The following RNF175 variants were observed in gnomAD, a reference collection of about 807,000 sequenced individuals.
RNF175 encodes ring finger protein 175.
Under a neutral mutation model 50.0 loss-of-function variants are expected in RNF175, and 38 were observed. The ratio of observed to expected loss-of-function variants is 0.76; its 90% CI spans 0.59 to 1.00. The LOEUF (loss-of-function observed/expected upper bound fraction) is 1.00, where lower values mean the gene tolerates loss of function less well. Among genes scored for constraint, RNF175 ranks in the 50% least tolerant of loss-of-function variants. The pLI is 0.00. For synonymous variants in RNF175, 155 were observed against 146.1 expected (o/e 1.06, Z -0.44); for missense variants, 388 against 409.6 (o/e 0.95, Z 0.46).
At chr4:153,712,439 G>A (rs764186756) in intron 8 of RNF175, 36 bp downstream of exon 8, 17 of 1,201,954 alleles carry the variant, frequency 1.4e-5, no homozygotes, top group Non-Finnish European at 2.1e-5. Context: ...AAACATTCAA[G>A]ATAATCTCTT....
intron 3 of RNF175, among the ~76,000 whole-genome samples, chr4:153,732,713 G>A (rs28510520): frequency 0.014 from 2,140 of 152,274 alleles, 65 homozygotes; most frequent in African/African-American, 0.048. Flanking sequence ...CTGCAGATAC[G>A]GAAAGTAACT....
At chr4:153,733,718 C>T (rs1739175873) in intron 3 of RNF175, among the ~76,000 whole-genome samples, 1 of 152,190 alleles carries the variant, frequency 6.6e-6, no homozygotes, top group African/African-American at 2.4e-5. Flanking sequence ...CCCCCAACCT[C>T]CTAAATGATT....
chr4:153,739,525 A>C (rs1269533871), intron 3 of RNF175, among the ~76,000 whole-genome samples: 1 of 152,138 alleles, frequency 6.6e-6, no homozygotes, highest in Non-Finnish European at 1.5e-5. Flanking sequence ...TTCTGGCCTA[A>C]ATCACTTTAC....
chr4:153,752,822 G>C (rs1740360389), intron 1 of RNF175, among the ~76,000 whole-genome samples: 1 of 152,052 alleles, frequency 6.6e-6, no homozygotes, highest in African/African-American at 2.4e-5. Flanking sequence ...TAATCAAAAA[G>C]AGACAGTCCA....
intron 3 of RNF175, among the ~76,000 whole-genome samples, chr4:153,738,070 G>A (rs953762916): frequency 1.1e-4 from 17 of 151,644 alleles, no homozygotes; most frequent in African/African-American, 4.1e-4. Context: ...CTTTTTTTGA[G>A]GCAGAGTCTC....
chr4:153,710,917 A>G (rs1212800744), intron 8 of RNF175, among the ~76,000 whole-genome samples: 6 of 152,214 alleles, frequency 3.9e-5, no homozygotes, highest in Admixed American at 3.9e-4. Flanking sequence ...CAGATAAGAG[A>G]GACCTTTTTC....
At chr4:153,758,551 C>T (rs1258440317) in intron 1 of RNF175, among the ~76,000 whole-genome samples, 1 of 152,174 alleles carries the variant, frequency 6.6e-6, no homozygotes, top group Non-Finnish European at 1.5e-5. Flanking sequence ...TCCTGGCATG[C>T]ATTCATCAAT....
intron 4 of RNF175, chr4:153,727,801 ATGATT>A (rs1371485006): frequency 1.3e-5 from 2 of 153,224 alleles, no homozygotes; most frequent in African/African-American, 4.8e-5. Context: ...TCCATGACTT[ATGATT>A]TATTACATGT....
At chr4:153,736,752 T>C (rs1739371545) in intron 3 of RNF175, among the ~76,000 whole-genome samples, 1 of 152,218 alleles carries the variant, frequency 6.6e-6, no homozygotes, top group South Asian at 2.1e-4. Context: ...GTTTGTGTCT[T>C]TCAAAGAATT....
chr4:153,755,403 A>G (rs67381388), intron 1 of RNF175, among the ~76,000 whole-genome samples: 11,649 of 152,330 alleles, frequency 0.076, 626 homozygotes, highest in South Asian at 0.18. Context: ...TGAACAGTCA[A>G]AGATCACAAG....
rs1438065751 is a variant in RNF175, at chr4:153,738,122, T to C, written c.247-9761A>G. Reference sequence around the variant, plus strand: ...TGGAGTGCAGTGGAGAGATCATGGCTCATTGCAGCATTGACCTCCTGGGCT... The same window carrying C: ...TGGAGTGCAGTGGAGAGATCATGGCCCATTGCAGCATTGACCTCCTGGGCT... On this transcript the variant is annotated intron_variant, in intron 3 of 8. Coordinates refer to ENST00000347063, the MANE Select transcript of RNF175 (RefSeq NM_173662.4). 2.6e-5 allele frequency among the ~76,000 whole-genome samples: 4 copies of C among 152,286 alleles called. No individual in the cohort carries two copies. In the East Asian group the frequency reaches 7.7e-4, roughly 29 times the overall value.
At chr4:153,737,075 T>G (rs900995091) in intron 3 of RNF175, among the ~76,000 whole-genome samples, 1 of 152,194 alleles carries the variant, frequency 6.6e-6, no homozygotes. Context: ...CCCAGGCTGG[T>G]CTTGAACACT....
At chr4:153,751,993 G>C (rs1054477592) in intron 1 of RNF175, among the ~76,000 whole-genome samples, 2 of 152,216 alleles carry the variant, frequency 1.3e-5, no homozygotes, top group African/African-American at 2.4e-5. Flanking sequence ...TGTTAAGAAG[G>C]CATCATTACT....
chr4:153,729,312 TG>T (rs1738901389), intron 3 of RNF175, among the ~76,000 whole-genome samples: 1 of 152,248 alleles, frequency 6.6e-6, no homozygotes, highest in South Asian at 2.1e-4. Flanking sequence ...TGCAGCGCTC[TG>T]TTGAGGATTC....
chr4:153,739,988 T>C (rs1739561872), intron 3 of RNF175, among the ~76,000 whole-genome samples: 1 of 152,146 alleles, frequency 6.6e-6, no homozygotes, highest in South Asian at 2.1e-4. Flanking sequence ...ATGTTATATT[T>C]TTTGAAAATG....
intron 3 of RNF175, among the ~76,000 whole-genome samples, chr4:153,735,330 T>G (rs1009620601): frequency 1.3e-5 from 2 of 152,110 alleles, no homozygotes; most frequent in African/African-American, 4.8e-5. Context: ...CATGGATCAG[T>G]GACTGTATTT....
At chr4:153,748,864 C>CA (rs780562258) in intron 2 of RNF175, 78 bp from the exon 3 acceptor site, 54 of 1,385,380 alleles carry the variant, frequency 3.9e-5, no homozygotes, top group Middle Eastern at 2.3e-4. Context: ...AAACAAAAAA[C>CA]AAAAAAACAA....
intron 3 of RNF175, among the ~76,000 whole-genome samples, chr4:153,741,379 C>T (rs1739648049): frequency 6.6e-6 from 1 of 152,208 alleles, no homozygotes. Context: ...TTGTCAGACC[C>T]CGGTGGGGTA....
At chr4:153,728,121 C>A in intron 4 of RNF175, 86 bp downstream of exon 4, 1 of 1,043,914 alleles carries the variant, frequency 9.6e-7, no homozygotes, top group Non-Finnish European at 1.3e-6. Flanking sequence ...CCCCCCACTC[C>A]CCAACCCAGG....
Sources: gnomAD v4.1 joint callset for allele counts (sites outside exome capture counted in the v4.1 genomes callset) on GRCh38, gnomAD v4.1.1 for gene constraint, MANE v1.5 for transcripts, NCBI Gene and HGNC (gene_info 2026-07-23, HGNC 2026-07-21) for gene names.